The following GADL1 variants were observed in gnomAD, a reference collection of about 807,000 sequenced individuals.
The protein encoded by GADL1 is GAD like acidic amino acid decarboxylase 1, also known as acidic amino acid decarboxylase GADL1.
A neutral mutation model predicts 69.5 loss-of-function variants in GADL1; 71 were observed. The ratio of observed to expected loss-of-function variants is 1.02; its 90% CI spans 0.84 to 1.25. The LOEUF is 1.25. Ranked by LOEUF, GADL1 falls within the 50% of genes most tolerant of loss-of-function variation. The pLI is 0.00. For missense variants in GADL1, 737 were observed against 631.8 expected (o/e 1.17, Z -1.79); for synonymous variants, 254 against 214.4 (o/e 1.18, Z -1.62).
intron 14 of GADL1, among the ~76,000 whole-genome samples, chr3:30,748,676 C>A (rs1695750535): frequency 6.6e-6 from 1 of 152,138 alleles, no homozygotes; most frequent in Admixed American, 6.5e-5. Flanking sequence ...AAAATCGGTA[C>A]CAACAGCACC....
chr3:30,877,899 G>A (rs567880183), intron 1 of GADL1, among the ~76,000 whole-genome samples: 7 of 152,052 alleles, frequency 4.6e-5, no homozygotes, highest in African/African-American at 1.4e-4. Flanking sequence ...AATTTAGATA[G>A]TTGCTCTACA....
intron 6 of GADL1, among the ~76,000 whole-genome samples, chr3:30,848,198 A>AT (rs2125530764): frequency 6.6e-6 from 1 of 152,282 alleles, no homozygotes; most frequent in South Asian, 2.1e-4. Context: ...AGCTGTCCAC[A>AT]TTACCAAACA....
At chr3:30,740,177 T>C (rs779732418) in intron 14 of GADL1, among the ~76,000 whole-genome samples, 31 of 152,194 alleles carry the variant, frequency 2.0e-4, no homozygotes, top group Admixed American at 3.9e-4. Context: ...CTTTACCTGC[T>C]TCGTATGTCA....
At chr3:30,871,404 A>G (rs1698479731) in intron 1 of GADL1, among the ~76,000 whole-genome samples, 1 of 151,718 alleles carries the variant, frequency 6.6e-6, no homozygotes, top group South Asian at 2.1e-4. Flanking sequence ...GTAGGTTTAC[A>G]TTTTATTTTA....
At chr3:30,854,528 A>G (rs1338118295) in intron 4 of GADL1, among the ~76,000 whole-genome samples, 171 bp downstream of exon 4, 1 of 152,138 alleles carries the variant, frequency 6.6e-6, no homozygotes, top group Non-Finnish European at 1.5e-5. Flanking sequence ...CGGTACCACT[A>G]TTTAAATCAA....
In GADL1 at chr3:30,778,423, C is replaced by A. The variant is rs184467196; in HGVS notation, c.1303-155G>T. On this transcript the variant is annotated intron_variant, in intron 13 of 14. Transcript: ENST00000282538. Reference sequence around the variant, plus strand: ...ATAGAGTAACAATCCCTTCTGCCTTCTTGATAACATCCTATTTAAAAATTT... The same window carrying A: ...ATAGAGTAACAATCCCTTCTGCCTTATTGATAACATCCTATTTAAAAATTT... Among the ~76,000 whole-genome samples, 466 of 152,252 alleles carry A rather than the reference C, an allele frequency of 3.1e-3. 1 individual carries two copies. The highest frequency in any genetic ancestry group is 0.01 in the African/African-American group (420 of 41,554).
At chr3:30,785,029 AGGTCTC>A (rs1340691558) in intron 13 of GADL1, among the ~76,000 whole-genome samples, 4 of 152,154 alleles carry the variant, frequency 2.6e-5, no homozygotes, top group Non-Finnish European at 4.4e-5. Context: ...ATCTTTATTC[AGGTCTC>A]AGCTCAAAGA....
chr3:30,797,882 C>T (rs573321806), intron 12 of GADL1: 48 of 152,052 alleles, frequency 3.2e-4, no homozygotes, highest in African/African-American at 8.7e-4. Flanking sequence ...GAAAGTTAAC[C>T]TTGAACAGTA....
At chr3:30,733,252 T>C (rs1014101416) in intron 14 of GADL1, among the ~76,000 whole-genome samples, 6 of 152,222 alleles carry the variant, frequency 3.9e-5, no homozygotes, top group Non-Finnish European at 8.8e-5. Context: ...AGTTTCTAAA[T>C]GGAAACTGTG....
At chr3:30,730,450 C>T (rs1052639154) in intron 14 of GADL1, among the ~76,000 whole-genome samples, 14 of 152,108 alleles carry the variant, frequency 9.2e-5, no homozygotes, top group African/African-American at 3.4e-4. Context: ...GCACGGAGAT[C>T]GCTACACAGG....
chr3:30,756,808 G>GTC (rs548157933), intron 14 of GADL1, among the ~76,000 whole-genome samples: 15 of 152,120 alleles, frequency 9.9e-5, no homozygotes, highest in Non-Finnish European at 1.0e-4. Flanking sequence ...CTGATGGCTT[G>GTC]TCTCTCTTAC....
chr3:30,853,631 G>A (rs1332507810), intron 4 of GADL1, among the ~76,000 whole-genome samples: 1 of 152,076 alleles, frequency 6.6e-6, no homozygotes, highest in South Asian at 2.1e-4. Context: ...CTCTCCCAGT[G>A]CTTATTTCTA....
intron 13 of GADL1, among the ~76,000 whole-genome samples, chr3:30,785,958 C>T (rs939320661): frequency 2.0e-5 from 3 of 152,104 alleles, no homozygotes; most frequent in Non-Finnish European, 2.9e-5. Flanking sequence ...CTAATATGCT[C>T]ATTATTTTAT....
chr3:30,820,295 A>G (rs1357172053), intron 11 of GADL1, among the ~76,000 whole-genome samples: 2 of 152,070 alleles, frequency 1.3e-5, no homozygotes, highest in Non-Finnish European at 2.9e-5. Flanking sequence ...TGTATAACTT[A>G]GGGCAACTTC....
At chr3:30,842,275 T>C (rs1252743017) in intron 8 of GADL1, among the ~76,000 whole-genome samples, 2 of 152,186 alleles carry the variant, frequency 1.3e-5, no homozygotes, top group Non-Finnish European at 2.9e-5. Flanking sequence ...GTATGTTGTT[T>C]AAGCAAGTAC....
chr3:30,853,336 T>C (rs932106247), intron 4 of GADL1, among the ~76,000 whole-genome samples: 2 of 151,278 alleles, frequency 1.3e-5, no homozygotes, highest in African/African-American at 4.8e-5. Context: ...CAGGTATCAA[T>C]ACATTTTTAT....
chr3:30,872,217 C>T (rs192211633), intron 1 of GADL1, among the ~76,000 whole-genome samples: 1 of 151,898 alleles, frequency 6.6e-6, no homozygotes, highest in East Asian at 2.0e-4. Flanking sequence ...AAATTTTATC[C>T]CTGTCCTTCA....
rs199898739 is a variant in GADL1, at chr3:30,764,932, A to G, written c.1392+13247T>C. On this transcript the variant is annotated intron_variant, in intron 14 of 14. Coordinates refer to ENST00000282538, the MANE Select transcript of GADL1 (RefSeq NM_207359.3). ...ACTACCATTTCTAGAACATCCTGCA[A>G]AGAGGGGGGACATTTTCATAAGAAA... Among the ~76,000 whole-genome samples the G allele has an allele frequency of 1.6e-3, 74 of 47,684 alleles. 1 individual carries two copies. Among genetic ancestry groups the G allele is most frequent in the Non-Finnish European group, 2.9e-3 (61 of 21,222 alleles). The allele number at this position is 47,684 out of a possible 152,430, so 31.3% of individuals were successfully genotyped here.
chr3:30,814,730 T>G (rs992449841), intron 11 of GADL1, among the ~76,000 whole-genome samples: 2 of 152,018 alleles, frequency 1.3e-5, no homozygotes, highest in African/African-American at 4.8e-5. Flanking sequence ...ACCAGAGACA[T>G]TATTCTTGAT....
Sources: gnomAD v4.1 joint callset for allele counts (sites outside exome capture counted in the v4.1 genomes callset) on GRCh38, gnomAD v4.1.1 for gene constraint, MANE v1.5 for transcripts, NCBI Gene and HGNC (gene_info 2026-07-23, HGNC 2026-07-21) for gene names.